The following ICA1 variants were observed in gnomAD, a reference collection of about 807,000 sequenced individuals.
The protein encoded by ICA1 is islet cell autoantigen 1.
ICA1 carries 40 observed loss-of-function variants against 71.0 expected under a neutral mutation model. The ratio of observed to expected loss-of-function variants is 0.56; its 90% confidence interval spans 0.44 to 0.73. The LOEUF (loss-of-function observed/expected upper bound fraction) is 0.73, where lower values mean the gene tolerates loss of function less well. Ranked by LOEUF, ICA1 falls within the 30% of genes least tolerant of loss-of-function variation. The pLI, the probability that ICA1 is intolerant of heterozygous loss-of-function variation, is 0.00. For synonymous variants in ICA1, 207 were observed against 209.5 expected (o/e 0.99, Z 0.10); for missense variants, 578 against 576.5 (o/e 1.00, Z -0.03).
In ICA1 at chr7:8,113,930, T is replaced by C. The variant is rs1454466914; in HGVS notation, c.1445A>G (p.Asn482Ser). 6 of 1,614,166 alleles carry C rather than the reference T, an allele frequency of 3.7e-6. No individual in the cohort carries two copies. Among genetic ancestry groups the C allele is most frequent in the Admixed American group, 3.3e-5 (2 of 60,022 alleles). Reference protein sequence around the residue: ...GKTDKEHELLNA With the variant: ...GKTDKEHELLSA ...CTCCCGAAGGGTACAGATTCATGCA[T>C]TGAGCAATTCGTGTTCTTTATCGGT... Residue 482 changes from asparagine (N) to serine (S), a missense_variant, in exon 14 of 14, where the codon AAT (asparagine) becomes AGT (serine). Transcript: ENST00000402384. This position sits in a 1 kb window ranked among gnomAD's most constrained non-coding sequence, Gnocchi z 4.2.
chr7:8,209,281 A>C (rs145805467), intron 6 of ICA1, among the ~76,000 whole-genome samples: 114 of 152,348 alleles, frequency 7.5e-4, no homozygotes, highest in African/African-American at 2.7e-3. Flanking sequence ...CTTGAAAAAA[A>C]TCTGTTTGAA....
At chr7:8,179,291 T>C (rs1458304584) in intron 6 of ICA1, among the ~76,000 whole-genome samples, 1 of 152,196 alleles carries the variant, frequency 6.6e-6, no homozygotes, top group African/African-American at 2.4e-5. Flanking sequence ...GCCTAGCCTA[T>C]CCTACCCAGT....
rs1779447216 is a variant in ICA1, at chr7:8,173,219, G to T, written c.580-14567C>A. ...ACTGCTGATTCCAGGACTAGGGAAG[G>T]AAATACATAAGATGATTCTGAAATA... On this transcript the variant is annotated intron_variant, in intron 6 of 13. Transcript: ENST00000402384. The surrounding 1 kb of genome is among the most constrained non-coding windows in gnomAD (Gnocchi z 4.0). Among the ~76,000 whole-genome samples, 1 of 152,160 alleles carries T rather than the reference G, an allele frequency of 6.6e-6. No individual in the cohort carries two copies. The highest frequency in any genetic ancestry group is 2.4e-5 in the African/African-American group (1 of 41,434).
chr7:8,153,517 A>G (rs1800380640), intron 8 of ICA1, among the ~76,000 whole-genome samples: 1 of 152,096 alleles, frequency 6.6e-6, no homozygotes, highest in Non-Finnish European at 1.5e-5. Context: ...CCCCTTGATA[A>G]TGTCTGCTCG....
intron 8 of ICA1, among the ~76,000 whole-genome samples, chr7:8,154,609 T>A (rs1014196956): frequency 1.3e-5 from 2 of 152,208 alleles, no homozygotes; most frequent in African/African-American, 4.8e-5. Context: ...ATCAACAGAA[T>A]AAATTAATCG....
chr7:8,202,666 A>G (rs1171387367), intron 6 of ICA1, among the ~76,000 whole-genome samples: 2 of 152,174 alleles, frequency 1.3e-5, no homozygotes, highest in African/African-American at 4.8e-5. Flanking sequence ...ATCACCCTTG[A>G]CTTTTTCTCA....
chr7:8,220,168 T>A (rs1055774699), intron 5 of ICA1, among the ~76,000 whole-genome samples: 1 of 152,232 alleles, frequency 6.6e-6, no homozygotes, highest in Admixed American at 6.5e-5. Context: ...GATAAACAAA[T>A]ACCTTTCTTG....
intron 6 of ICA1, among the ~76,000 whole-genome samples, chr7:8,199,128 C>T (rs12702706): frequency 0.46 from 70,213 of 152,084 alleles, 20,132 homozygotes; most frequent in South Asian, 0.73. Context: ...AAAGGGGAAC[C>T]CTGATAAATC....
intron 1 of ICA1, among the ~76,000 whole-genome samples, chr7:8,244,346 G>A (rs1440930025): frequency 6.6e-6 from 1 of 152,128 alleles, no homozygotes; most frequent in East Asian, 1.9e-4. Context: ...GGGAAAACTG[G>A]CTAGCTATAT....
intron 6 of ICA1, among the ~76,000 whole-genome samples, chr7:8,201,947 A>G (rs576336290): frequency 1.1e-4 from 16 of 152,306 alleles, no homozygotes; most frequent in African/African-American, 3.9e-4. Flanking sequence ...CTGCAGCAAG[A>G]TAAGCAAGAA....
intron 6 of ICA1, among the ~76,000 whole-genome samples, chr7:8,214,439 A>C (rs530756407): frequency 2.8e-4 from 43 of 152,316 alleles, no homozygotes; most frequent in Non-Finnish European, 1.5e-4. Context: ...CGCTGTCAGG[A>C]GGAACTTCCA....
At chr7:8,249,271 G>A (rs1222159785) in intron 1 of ICA1, among the ~76,000 whole-genome samples, 1 of 152,240 alleles carries the variant, frequency 6.6e-6, no homozygotes, top group African/African-American at 2.4e-5. Flanking sequence ...GAGAGGCAAA[G>A]GCTGGAAGTG....
chr7:8,200,695 C>T (rs547105129), intron 6 of ICA1, among the ~76,000 whole-genome samples: 7 of 152,284 alleles, frequency 4.6e-5, no homozygotes, highest in African/African-American at 1.2e-4. Flanking sequence ...TACTGAAAAT[C>T]ATTTTAGATT....
chr7:8,186,052 A>G (rs1261209103), intron 6 of ICA1, among the ~76,000 whole-genome samples: 1 of 152,248 alleles, frequency 6.6e-6, no homozygotes, highest in Non-Finnish European at 1.5e-5. Context: ...GTGGTTGTAT[A>G]AAGAACCCTG....
At chr7:8,198,303 G>A (rs1001644112) in intron 6 of ICA1, among the ~76,000 whole-genome samples, 1 of 152,198 alleles carries the variant, frequency 6.6e-6, no homozygotes, top group Admixed American at 6.5e-5. Context: ...CTGTCTCCTA[G>A]CAGAGGAGAC....
At chr7:8,256,492 C>T (rs567954164) in intron 1 of ICA1, among the ~76,000 whole-genome samples, 2 of 152,188 alleles carry the variant, frequency 1.3e-5, no homozygotes, top group East Asian at 1.9e-4. Context: ...ACTTGGAATG[C>T]CCTCCCCCTC....
Position 8,221,417 on chromosome 7 carries a change from A to C in ICA1, c.257-19T>G. ...GACAAGACTGATGAAGAAAAGACCA[A>C]AAGGAGCCATGAACAATGAGCATTT... On this transcript the variant is annotated intron_variant, in intron 4 of 13. Coordinates refer to ENST00000402384, the MANE Select transcript of ICA1 (RefSeq NM_001136020.3). The C allele has an allele frequency of 6.2e-7, 1 of 1,612,698 alleles. No homozygotes were observed. Among genetic ancestry groups the C allele is most frequent in the Non-Finnish European group, 8.5e-7 (1 of 1,179,012 alleles).
chr7:8,211,285 G>T (rs1793704052), intron 6 of ICA1, among the ~76,000 whole-genome samples: 1 of 152,082 alleles, frequency 6.6e-6, no homozygotes, highest in Non-Finnish European at 1.5e-5. Flanking sequence ...CTGAGAGCTT[G>T]CCTTGTGCCA....
intron 1 of ICA1, among the ~76,000 whole-genome samples, chr7:8,257,799 T>C (rs887419190): frequency 6.6e-6 from 1 of 152,186 alleles, no homozygotes; most frequent in Non-Finnish European, 1.5e-5. Context: ...CTTACACTAA[T>C]TAGTGCATCT....
Sources: gnomAD v4.1 joint callset for allele counts (sites outside exome capture counted in the v4.1 genomes callset) on GRCh38, gnomAD v4.1.1 for gene constraint, Gnocchi (gnomAD v3.1) non-coding constraint, MANE v1.5 for transcripts, NCBI Gene and HGNC (gene_info 2026-07-23, HGNC 2026-07-21) for gene names.